SORL1: variants seen among roughly 807,000 people sequenced by gnomAD.
SORL1 encodes sortilin related receptor 1.
A neutral mutation model predicts 273.7 loss-of-function variants in SORL1; 127 were observed. That is an observed-to-expected ratio of 0.46 (90% CI 0.40 to 0.54). The LOEUF (loss-of-function observed/expected upper bound fraction) is 0.54, where lower values mean the gene tolerates loss of function less well. SORL1 is among the 20% of genes least tolerant of loss of function. The pLI is 0.00. For missense variants in SORL1, 2,494 were observed against 2,846.1 expected (o/e 0.88, Z 2.81); for synonymous variants, 1,031 against 1,067.4 (o/e 0.97, Z 0.66).
intron 16 of SORL1, among the ~76,000 whole-genome samples, chr11:121,553,477 G>A (rs910265575): frequency 6.6e-6 from 1 of 152,198 alleles, no homozygotes; most frequent in African/African-American, 2.4e-5. Context: ...ATATGAATAA[G>A]TGAGCAAATT....
intron 47 of SORL1, chr11:121,629,011 C>A (rs1003492283): frequency 6.4e-6 from 1 of 155,904 alleles, no homozygotes; most frequent in Non-Finnish European, 1.4e-5. Context: ...CACTTGGTGA[C>A]ACAGGATTAT....
At chr11:121,458,601 G>T (rs1160653385) in intron 1 of SORL1, among the ~76,000 whole-genome samples, 1 of 152,150 alleles carries the variant, frequency 6.6e-6, no homozygotes, top group East Asian at 1.9e-4. Context: ...TTGGCAGATG[G>T]TATAGTCAGT....
chr11:121,464,838 C>T (rs1019485209), intron 1 of SORL1, among the ~76,000 whole-genome samples: 2 of 152,066 alleles, frequency 1.3e-5, no homozygotes, highest in Non-Finnish European at 2.9e-5. Context: ...ATTGGTTTGG[C>T]CAGAGACCCA....
At chr11:121,560,724 C>A (rs962107667) in intron 21 of SORL1, among the ~76,000 whole-genome samples, 1 of 152,010 alleles carries the variant, frequency 6.6e-6, no homozygotes, top group Admixed American at 6.5e-5. Context: ...ATGAGAACAC[C>A]CTGGGAAAAC....
intron 21 of SORL1, among the ~76,000 whole-genome samples, 176 bp downstream of exon 21, chr11:121,559,833 A>G (rs1862645155): frequency 6.6e-6 from 1 of 152,220 alleles, no homozygotes; most frequent in African/African-American, 2.4e-5. Flanking sequence ...ATGATACACA[A>G]ACAGCTGGAA....
chr11:121,502,928 G>C (rs934005019), intron 6 of SORL1, among the ~76,000 whole-genome samples: 1 of 151,910 alleles, frequency 6.6e-6, no homozygotes, highest in African/African-American at 2.4e-5. Context: ...GGAGTACAGC[G>C]GAGCGATTGT....
At chr11:121,478,366 A>G in intron 3 of SORL1, 123 bp downstream of exon 3, 1 of 1,186,052 alleles carries the variant, frequency 8.4e-7, no homozygotes, top group Non-Finnish European at 1.2e-6. Context: ...ACTGGTGGCT[A>G]GTGAGTTTTT....
At chr11:121,462,933 T>A (rs1477628794) in intron 1 of SORL1, among the ~76,000 whole-genome samples, 1 of 152,188 alleles carries the variant, frequency 6.6e-6, no homozygotes, top group Non-Finnish European at 1.5e-5. Context: ...TAAATACTTA[T>A]TGACTGAACG....
In SORL1 at chr11:121,520,780, C is replaced by G. The variant is rs998000267; in HGVS notation, c.1335C>G (p.Asp445Glu). ...EENMRSVITF[D>E]KGGTWEFLQA... ...ACATGAGATCGGTCATCACCTTTGACAAAGGGGGAACCTGGGAGTTTCTTC... is the reference window on the plus strand; with the variant it reads ...ACATGAGATCGGTCATCACCTTTGAGAAAGGGGGAACCTGGGAGTTTCTTC... The change falls in exon 9 of 48, where the codon GAC becomes GAG. Residue 445 changes from aspartate to glutamate, a missense_variant. Around this residue, in one of 3 missense-constraint regions of SORL1, gnomAD observed 710 missense variants for 882.5 expected, o/e 0.80. Coordinates refer to ENST00000260197, the MANE Select transcript of SORL1 (RefSeq NM_003105.6). 1.2e-6 allele frequency: 2 copies of G among 1,612,722 alleles called. No individual in the cohort carries two copies. The highest frequency in any genetic ancestry group is 1.3e-5 in the African/African-American group (1 of 74,872).
chr11:121,466,030 T>C (rs999605176), intron 1 of SORL1, among the ~76,000 whole-genome samples: 2 of 152,176 alleles, frequency 1.3e-5, no homozygotes, highest in Non-Finnish European at 2.9e-5. Flanking sequence ...CTGTTTGTTG[T>C]TTATGATGCA....
chr11:121,621,268 C>G (rs1863720250), intron 44 of SORL1, 30 bp downstream of exon 44: 7 of 1,597,398 alleles, frequency 4.4e-6, no homozygotes, highest in Non-Finnish European at 5.1e-6. Flanking sequence ...GAGGTCTTCT[C>G]ACACAGCCTG....
chr11:121,483,189 A>G (rs1027944323), intron 3 of SORL1, among the ~76,000 whole-genome samples: 7 of 152,212 alleles, frequency 4.6e-5, no homozygotes, highest in Non-Finnish European at 1.0e-4. Flanking sequence ...GGGCTCAGGT[A>G]TTCCTTCTGT....
chr11:121,495,470 T>C (rs1299395358), intron 5 of SORL1, among the ~76,000 whole-genome samples: 1 of 152,174 alleles, frequency 6.6e-6, no homozygotes, highest in African/African-American at 2.4e-5. Context: ...TGACAGTATA[T>C]CTCTGAAGGA....
chr11:121,514,784 C>T (rs1046965073), intron 8 of SORL1, among the ~76,000 whole-genome samples: 1 of 152,138 alleles, frequency 6.6e-6, no homozygotes, highest in East Asian at 1.9e-4. Flanking sequence ...AAGGCACCAA[C>T]GTCATTGATC....
intron 3 of SORL1, among the ~76,000 whole-genome samples, chr11:121,483,009 A>G (rs1861417355): frequency 1.3e-5 from 2 of 152,252 alleles, no homozygotes; most frequent in Non-Finnish European, 2.9e-5. Context: ...AGTGCTGGCC[A>G]CATGGCAGTT....
intron 6 of SORL1, among the ~76,000 whole-genome samples, chr11:121,507,076 T>C (rs1369641753): frequency 6.6e-6 from 1 of 152,242 alleles, no homozygotes; most frequent in African/African-American, 2.4e-5. Flanking sequence ...AAAATCTTTG[T>C]CATTATATAG....
chr11:121,531,661 T>C (rs2134870391), intron 11 of SORL1, among the ~76,000 whole-genome samples: 1 of 152,364 alleles, frequency 6.6e-6, no homozygotes, highest in Non-Finnish European at 1.5e-5. Flanking sequence ...GGTGGTAGTT[T>C]AACTCTCAGT....
intron 23 of SORL1, among the ~76,000 whole-genome samples, chr11:121,572,706 GA>G: frequency 6.6e-6 from 1 of 152,258 alleles, no homozygotes; most frequent in Non-Finnish European, 1.5e-5. Context: ...AGCAGTGGAG[GA>G]GGGGGGACAC....
chr11:121,539,574 A>G (rs1399538970), intron 12 of SORL1, among the ~76,000 whole-genome samples: 1 of 151,742 alleles, frequency 6.6e-6, no homozygotes, highest in African/African-American at 2.4e-5. Context: ...TTTGAAGATT[A>G]TTTTCCTTGA....
Sources: gnomAD v4.1 joint callset for allele counts (sites outside exome capture counted in the v4.1 genomes callset) on GRCh38, gnomAD v4.1.1 for gene constraint, gnomAD v4.1.1 regional missense constraint, MANE v1.5 for transcripts, NCBI Gene and HGNC (gene_info 2026-07-23, HGNC 2026-07-21) for gene names.